Variants in HBS1L observed in about 807,000 individuals in gnomAD.
The protein encoded by HBS1L is HBS1-like protein.
HBS1L carries 55 observed loss-of-function variants against 88.9 expected under a neutral mutation model. That is an observed-to-expected ratio of 0.62 (90% CI 0.50 to 0.77). The LOEUF (loss-of-function observed/expected upper bound fraction) is 0.77. Among genes scored for constraint, HBS1L ranks in the 30% least tolerant of loss-of-function variants. HBS1L has a pLI of 0.00. For synonymous variants in HBS1L, 267 were observed against 288.5 expected (o/e 0.93, Z 0.76); for missense variants, 741 against 829.3 (o/e 0.89, Z 1.31).
At chr6:134,994,238 G>A (rs532532540) in intron 7 of HBS1L, among the ~76,000 whole-genome samples, 15 of 151,940 alleles carry the variant, frequency 9.9e-5, no homozygotes, top group African/African-American at 2.9e-4. Flanking sequence ...AAATTACCAC[G>A]ACCGAGAGGT....
chr6:135,051,115 A>C (rs1015421607), intron 1 of HBS1L, among the ~76,000 whole-genome samples: 2 of 151,926 alleles, frequency 1.3e-5, no homozygotes, highest in African/African-American at 4.8e-5. Flanking sequence ...AATCCCAGCT[A>C]CTCTGGAGGC....
At chr6:134,968,410 G>A (rs1210633774) in intron 16 of HBS1L, among the ~76,000 whole-genome samples, 11 of 151,938 alleles carry the variant, frequency 7.2e-5, no homozygotes, top group East Asian at 3.9e-4. Context: ...CACCACACCC[G>A]GCTAATTTTT....
At position 134,969,302 on chromosome 6, in the gene HBS1L, C is replaced by A. The variant is rs201836642; in HGVS notation, c.1834G>T (p.Val612Phe). Residue 612 changes from valine (V) to phenylalanine (F), a missense_variant, in exon 16 of 18, where the codon GTT becomes TTT. Val to Phe is a conservative substitution (Grantham distance 50, BLOSUM62 -1). Coordinates refer to ENST00000367837, the MANE Select transcript of HBS1L (RefSeq NM_006620.4). ...AAGACACTAATCAATCGTTTAATAA[C>A]GGCGGGTTCACTGACAGTTTGGTAG... ...LHYQTVSEPA[V>F]IKRLISVLNK... The A allele has an allele frequency of 6.2e-6, 10 of 1,613,680 alleles. No homozygotes were observed. The highest frequency in any genetic ancestry group is 8.5e-6 in the Non-Finnish European group (10 of 1,179,702).
At position 134,964,822 on chromosome 6, in the gene HBS1L, GA is replaced by G. The variant is rs57393645; in HGVS notation, c.*456del. ...CCAAATCTTTTCTTAGCATTAACTG[GA>G]AAAAAAAAAAAAAAAAAAGCTTAGG... On this transcript the variant is annotated 3_prime_UTR_variant, in exon 18 of 18. Coordinates refer to ENST00000367837, the MANE Select transcript of HBS1L (RefSeq NM_006620.4). 0.018 allele frequency: 1,485 copies of G among 84,386 alleles called. 9 individuals carry two copies. The highest frequency in any genetic ancestry group is 0.056 in the Middle Eastern group (7 of 124). The allele number at this position is 84,386 out of a possible 1,614,324, so 5.2% of individuals were successfully genotyped here. A position where few individuals can be genotyped will look rare whatever the true frequency, so the allele number is the denominator to read the frequency against.
chr6:134,964,915 A>G lies in HBS1L; in HGVS notation c.*364T>C. 4.2e-6 allele frequency: 1 copy of G among 240,320 alleles called. No individual in the cohort carries two copies. The highest frequency in any genetic ancestry group is 8.1e-6 in the Non-Finnish European group (1 of 124,148). 14.9% of individuals were successfully genotyped at this position (240,320 alleles called of 1,614,324 possible). On this transcript the variant is annotated 3_prime_UTR_variant, in exon 18 of 18. Transcript: ENST00000367837. ...CCTTAAAACATGTGCAGTATAATTGAATCAAAAGAGAAAACTGCAAATACA... is the reference window on the plus strand; with the variant it reads ...CCTTAAAACATGTGCAGTATAATTGGATCAAAAGAGAAAACTGCAAATACA...
chr6:135,037,663 G>A, intron 4 of HBS1L: 1 of 1,550,234 alleles, frequency 6.5e-7, no homozygotes, highest in Non-Finnish European at 8.7e-7. Flanking sequence ...AGATGCATGA[G>A]GTCTCAACAA....
rs777446112 is a variant in HBS1L at position 134,985,404 on chromosome 6, A to G, written c.1429T>C (p.Phe477Leu). 3.8e-6 allele frequency: 6 copies of G among 1,595,710 alleles called. No individual in the cohort carries two copies. In the South Asian group the frequency reaches 6.8e-5, roughly 18 times the overall value. ...GLCLLEQIDS[F>L]KPPQRSIDKP... ...TCAATAGATCGCTGGGGAGGCTTAA[A>G]GGAATCTGGAAAAAAGAAATTGCAA... Residue 477 changes from phenylalanine (F) to leucine (L), a missense_variant, in exon 12 of 18, where the codon TTT becomes CTT. By Grantham distance (22) the Phe-to-Leu change is conservative. Around this residue, in one of 3 missense-constraint regions of HBS1L, gnomAD observed 556 missense variants for 598.4 expected, o/e 0.93. Transcript: ENST00000367837.
At position 135,039,598 on chromosome 6, in the gene HBS1L, T is replaced by C. The variant is rs770604236; in HGVS notation, c.405A>G (p.Thr135=). 1 of 1,614,132 alleles carries C rather than the reference T, an allele frequency of 6.2e-7. No homozygotes were observed. Among genetic ancestry groups the C allele is most frequent in the East Asian group, 2.2e-5 (1 of 44,858 alleles). The change falls in exon 4 of 18, where the codon ACA becomes ACG. Residue 135 remains threonine, a synonymous_variant. Transcript: ENST00000367837. The part of the protein sequence containing the change: ...VQSLKDKNEA[T]VSTGKIAKGK... ...CTTTTGCTATCTTTCCTGTAGATAC[T>C]GTTGCCTCATTCTTGTCCTTCAAAC...
At chr6:134,994,061 T>C (rs1775221359) in intron 7 of HBS1L, among the ~76,000 whole-genome samples, 186 bp from the exon 8 acceptor site, 1 of 152,160 alleles carries the variant, frequency 6.6e-6, no homozygotes, top group Non-Finnish European at 1.5e-5. Flanking sequence ...AGTGCATCCA[T>C]ATGGTTTTAA....
intron 8 of HBS1L, among the ~76,000 whole-genome samples, chr6:134,991,097 G>GGAGAAAT (rs138178348): frequency 0.037 from 5,531 of 150,622 alleles, 140 homozygotes; most frequent in Non-Finnish European, 0.059. Flanking sequence ...ACACATATAA[G>GGAGAAAT]GAGAAATCAA....
chr6:135,013,944 G>A (rs181121153), intron 4 of HBS1L, among the ~76,000 whole-genome samples: 13 of 152,182 alleles, frequency 8.5e-5, no homozygotes, highest in African/African-American at 2.6e-4. Context: ...AGGAAGATAT[G>A]CATAGGTTAT....
At chr6:135,025,348 G>A (rs191776658) in intron 4 of HBS1L, among the ~76,000 whole-genome samples, 61 of 152,256 alleles carry the variant, frequency 4.0e-4, no homozygotes, top group African/African-American at 1.4e-3. Flanking sequence ...AGTTGGAGGC[G>A]TACCTCTGAA....
At chr6:135,050,851 C>T (rs183017140) in intron 1 of HBS1L, among the ~76,000 whole-genome samples, 1 of 152,318 alleles carries the variant, frequency 6.6e-6, no homozygotes, top group East Asian at 1.9e-4. Context: ...AAGACATACA[C>T]AGTTCTTCAG....
intron 12 of HBS1L, among the ~76,000 whole-genome samples, chr6:134,984,690 T>A (rs1022844694): frequency 8.5e-5 from 13 of 152,182 alleles, no homozygotes; most frequent in African/African-American, 3.1e-4. Context: ...GTCTTCTATA[T>A]AGGATCTTGC....
intron 10 of HBS1L, 119 bp downstream of exon 10, chr6:134,986,617 A>C: frequency 2.1e-6 from 1 of 478,048 alleles, no homozygotes; most frequent in Non-Finnish European, 3.6e-6. Context: ...TACTCAAGAG[A>C]AAATAAAGCA....
At chr6:134,968,141 G>A (rs922893992) in intron 16 of HBS1L, among the ~76,000 whole-genome samples, 10 of 152,162 alleles carry the variant, frequency 6.6e-5, no homozygotes, top group Non-Finnish European at 1.0e-4. Context: ...CAGAAAAAAG[G>A]GGATTTGGGA....
In HBS1L at chr6:135,000,222, A is replaced by ATTTTTTTTTTTTTTTTT. The variant is rs33946758; in HGVS notation, c.539+2511_539+2512insAAAAAAAAAAAAAAAAA. On this transcript the variant is annotated intron_variant, in intron 5 of 17. Coordinates refer to ENST00000367837, the MANE Select transcript of HBS1L (RefSeq NM_006620.4). ...AGGCAAGCACCACTATACCCAGCTA[A>ATTTTTTTTTTTTTTTTT]TTTTTTTTTTTTTTTGGTAGAGATG... Among the ~76,000 whole-genome samples the ATTTTTTTTTTTTTTTTT allele has an allele frequency of 7.4e-3, 955 of 129,172 alleles. 69 individuals are homozygous for ATTTTTTTTTTTTTTTTT. The highest frequency in any genetic ancestry group is 0.031 in the African/African-American group (885 of 28,694). The allele number at this position is 129,172 out of a possible 152,430, so 84.7% of individuals were successfully genotyped here.
chr6:134,976,897 A>C (rs1774663731), intron 15 of HBS1L, among the ~76,000 whole-genome samples: 1 of 152,040 alleles, frequency 6.6e-6, no homozygotes, highest in African/African-American at 2.4e-5. Flanking sequence ...TGGTAAAAAG[A>C]AGTAAAAAGA....
chr6:134,992,258 G>A (rs1775161483), intron 8 of HBS1L, among the ~76,000 whole-genome samples: 1 of 152,108 alleles, frequency 6.6e-6, no homozygotes, highest in Admixed American at 6.5e-5. Context: ...TTACGGTGAT[G>A]CACAGCATAA....
Sources: allele counts gnomAD v4.1 joint callset (sites outside exome capture counted in the v4.1 genomes callset), GRCh38; gene constraint gnomAD v4.1.1; regional missense constraint gnomAD v4.1.1; transcripts MANE v1.5; gene names NCBI Gene and HGNC (gene_info 2026-07-23, HGNC 2026-07-21).